CACNB4: variants seen among roughly 807,000 people sequenced by gnomAD.
The protein encoded by CACNB4 is calcium voltage-gated channel auxiliary subunit beta 4, also known as voltage-dependent L-type calcium channel subunit beta-4.
A neutral mutation model predicts 71.2 loss-of-function variants in CACNB4; 32 were observed. The ratio of observed to expected loss-of-function variants is 0.45; its 90% CI spans 0.34 to 0.60. The LOEUF is 0.60. CACNB4 is among the 20% of genes least tolerant of loss of function. CACNB4 has a pLI of 0.01. For synonymous variants in CACNB4, 231 were observed against 236.9 expected, an observed-to-expected ratio of 0.97 and a Z score of 0.23; for missense variants, 464 against 647.9, an observed-to-expected ratio of 0.72 and a Z score of 3.08.
chr2:151,912,433 T>G (rs539231076), intron 2 of CACNB4, among the ~76,000 whole-genome samples: 90 of 150,886 alleles, frequency 6.0e-4, no homozygotes, highest in African/African-American at 2.1e-3. Flanking sequence ...TACCCAGGAG[T>G]CATTCAGGAG....
chr2:152,080,416 T>C (rs1002665905), intron 2 of CACNB4, among the ~76,000 whole-genome samples: 1 of 152,194 alleles, frequency 6.6e-6, no homozygotes, highest in Non-Finnish European at 1.5e-5. Context: ...CCACTGCGCC[T>C]GGCCAATTTA....
At chr2:151,988,662 C>T (rs1681512639) in intron 2 of CACNB4, among the ~76,000 whole-genome samples, 1 of 152,104 alleles carries the variant, frequency 6.6e-6, no homozygotes, top group Admixed American at 6.5e-5. Flanking sequence ...TCCTGGTTTG[C>T]AGAAGGCCAC....
At chr2:152,084,641 A>T (rs530812832) in intron 2 of CACNB4, among the ~76,000 whole-genome samples, 1 of 152,238 alleles carries the variant, frequency 6.6e-6, no homozygotes, top group African/African-American at 2.4e-5. Context: ...GCAGGGTCTC[A>T]CTGTGTCAAC....
intron 12 of CACNB4, among the ~76,000 whole-genome samples, chr2:151,846,625 T>A (rs1195113941): frequency 6.6e-6 from 1 of 152,174 alleles, no homozygotes; most frequent in African/African-American, 2.4e-5. Context: ...TAATCTCCGA[T>A]CACTGAAGCC....
chr2:151,899,122 GA>G (rs2151498752), intron 2 of CACNB4, among the ~76,000 whole-genome samples: 1 of 152,364 alleles, frequency 6.6e-6, no homozygotes, highest in East Asian at 1.9e-4. Context: ...GGTTGAACTG[GA>G]GGAGAGAGGA....
chr2:152,006,401 CT>C (rs60046879), intron 2 of CACNB4, among the ~76,000 whole-genome samples: 103 of 138,508 alleles, frequency 7.4e-4, no homozygotes, highest in East Asian at 2.2e-3. Context: ...TCTTTTCTTT[CT>C]TTTTTTTTTT....
At chr2:151,915,429 G>T (rs889423285) in intron 2 of CACNB4, among the ~76,000 whole-genome samples, 11 of 152,224 alleles carry the variant, frequency 7.2e-5, no homozygotes, top group Admixed American at 1.3e-4. Flanking sequence ...AGTGCAGGCT[G>T]CTGTCCCTCC....
chr2:151,937,853 G>T (rs936399858), intron 2 of CACNB4, among the ~76,000 whole-genome samples: 32 of 152,162 alleles, frequency 2.1e-4, no homozygotes, highest in African/African-American at 7.7e-4. Context: ...GAGTTCATCT[G>T]CCAATTAAAG....
intron 2 of CACNB4, among the ~76,000 whole-genome samples, chr2:151,895,664 A>T (rs1463190552): frequency 1.3e-5 from 2 of 152,046 alleles, no homozygotes; most frequent in Non-Finnish European, 2.9e-5. Context: ...TAAATATATA[A>T]AAATATGCAT....
At position 151,835,557 on chromosome 2, in the gene CACNB4, C is replaced by G. The variant is rs1042908187; in HGVS notation, c.*3562G>C. ...CAAATACCAAAATAAAACTGTGTAA[C>G]TAAGAAAATATATACTAACATGCAA... On this transcript the variant is annotated 3_prime_UTR_variant, in exon 14 of 14. Coordinates refer to ENST00000539935, the MANE Select transcript of CACNB4 (RefSeq NM_000726.5). The G allele has an allele frequency of 2.0e-5, 3 of 151,776 alleles. No individual in the cohort carries two copies. The highest frequency in any genetic ancestry group is 7.2e-5 in the African/African-American group (3 of 41,404). The allele number at this position is 151,776 out of a possible 1,614,324, so 9.4% of individuals were successfully genotyped here.
chr2:152,072,448 A>AT, intron 2 of CACNB4, among the ~76,000 whole-genome samples: 1 of 152,372 alleles, frequency 6.6e-6, no homozygotes, highest in East Asian at 1.9e-4. Context: ...AAGATCTGTA[A>AT]TACTTACTTT....
chr2:152,065,029 TA>T (rs1238427955), intron 2 of CACNB4, among the ~76,000 whole-genome samples: 1 of 152,204 alleles, frequency 6.6e-6, no homozygotes, highest in African/African-American at 2.4e-5. Flanking sequence ...GACTGATTCT[TA>T]TTCACCTTTC....
intron 2 of CACNB4, among the ~76,000 whole-genome samples, chr2:152,092,657 G>A (rs2105474557): frequency 6.6e-6 from 1 of 151,734 alleles, no homozygotes; most frequent in East Asian, 1.9e-4. Context: ...TGTCTTAAAT[G>A]CATTTCCATA....
At chr2:151,871,265 T>C (rs550132361) in intron 6 of CACNB4, 1 of 176,036 alleles carries the variant, frequency 5.7e-6, no homozygotes, top group East Asian at 1.5e-4. Flanking sequence ...CAAAAATGAC[T>C]ATCACCTCAA....
At chr2:151,842,662 T>C (rs796311825) in intron 12 of CACNB4, among the ~76,000 whole-genome samples, 4 of 152,220 alleles carry the variant, frequency 2.6e-5, no homozygotes, top group African/African-American at 9.6e-5. Context: ...AAGAAAAAGA[T>C]GAAGTAAGTG....
intron 2 of CACNB4, among the ~76,000 whole-genome samples, chr2:151,993,757 G>C (rs1681862832): frequency 6.6e-6 from 1 of 151,552 alleles, no homozygotes; most frequent in Non-Finnish European, 1.5e-5. Flanking sequence ...TAGAGACGGG[G>C]TTTCACCATG....
intron 2 of CACNB4, among the ~76,000 whole-genome samples, chr2:152,017,590 C>A (rs1201199850): frequency 2.0e-5 from 3 of 151,830 alleles, no homozygotes; most frequent in Non-Finnish European, 4.4e-5. Flanking sequence ...TGCCTGTAGT[C>A]CCAGCTACTT....
chr2:151,979,323 A>C (rs2099874329), intron 2 of CACNB4, among the ~76,000 whole-genome samples: 1 of 152,166 alleles, frequency 6.6e-6, no homozygotes, highest in South Asian at 2.1e-4. Flanking sequence ...AGGAAAAATA[A>C]TACTTCATAA....
chr2:152,018,774 A>G (rs753262487), intron 2 of CACNB4, among the ~76,000 whole-genome samples: 9 of 150,138 alleles, frequency 6.0e-5, no homozygotes, highest in Non-Finnish European at 1.3e-4. Context: ...ACTGCACTCC[A>G]CCCTGGGCAA....
Sources: gnomAD v4.1 joint callset for allele counts (sites outside exome capture counted in the v4.1 genomes callset) on GRCh38, gnomAD v4.1.1 for gene constraint, MANE v1.5 for transcripts, NCBI Gene and HGNC (gene_info 2026-07-23, HGNC 2026-07-21) for gene names.